Variants in PLEKHA5 observed in about 807,000 individuals in gnomAD.
PLEKHA5 encodes pleckstrin homology domain-containing family A member 5.
A neutral mutation model predicts 181.9 loss-of-function variants in PLEKHA5; 55 were observed. The observed-to-expected ratio is 0.30, with a 90% CI of 0.24 to 0.38. The LOEUF (loss-of-function observed/expected upper bound fraction) is 0.38. Among genes scored for constraint, PLEKHA5 ranks in the 10% least tolerant of loss-of-function variants. The pLI is 1.00. For synonymous variants in PLEKHA5, 535 were observed against 529.4 expected (o/e 1.01, Z -0.15); for missense variants, 1,432 against 1,549.5 (o/e 0.92, Z 1.27).
intron 3 of PLEKHA5, among the ~76,000 whole-genome samples, chr12:19,167,989 T>C (rs2044930036): frequency 6.6e-6 from 1 of 152,182 alleles, no homozygotes; most frequent in African/African-American, 2.4e-5. Context: ...ATTACTGTTC[T>C]AGTCTGAAAG....
intron 20 of PLEKHA5, among the ~76,000 whole-genome samples, chr12:19,328,675 G>A (rs1197500024): frequency 6.6e-6 from 1 of 151,560 alleles, no homozygotes; most frequent in African/African-American, 2.4e-5. Flanking sequence ...AGTGATTTTT[G>A]TACATTGATT....
chr12:19,129,974 T>C, intron 1 of PLEKHA5, 77 bp from the exon 2 acceptor site: 1 of 1,452,496 alleles, frequency 6.9e-7, no homozygotes, highest in Non-Finnish European at 9.4e-7. Context: ...AGCCCGGGTC[T>C]GTGCTCCTGC....
chr12:19,304,465 G>A (rs1280823072), intron 15 of PLEKHA5, among the ~76,000 whole-genome samples: 1 of 152,150 alleles, frequency 6.6e-6, no homozygotes, highest in Non-Finnish European at 1.5e-5. Flanking sequence ...TGTTTACTTA[G>A]TTTGAAGTTT....
At position 19,335,390 on chromosome 12, in the gene PLEKHA5, T is replaced by A. The variant is rs897169781; in HGVS notation, c.2449-1125T>A. 3.3e-5 allele frequency among the ~76,000 whole-genome samples: 5 copies of A among 151,512 alleles called. No individual in the cohort carries two copies. In the East Asian group the frequency reaches 9.8e-4, roughly 30 times the overall value. On this transcript the variant is annotated intron_variant, in intron 20 of 31. Coordinates refer to ENST00000429027, the MANE Select transcript of PLEKHA5 (RefSeq NM_001256470.2). Reference sequence around the variant, plus strand: ...TAGTTACAGAATATACAAAATAAGATAGCTCTTTATTTTTTTTCTTTTACT... The same window carrying A: ...TAGTTACAGAATATACAAAATAAGAAAGCTCTTTATTTTTTTTCTTTTACT...
intron 20 of PLEKHA5, among the ~76,000 whole-genome samples, chr12:19,334,266 G>A (rs2093140159): frequency 6.6e-6 from 1 of 152,172 alleles, no homozygotes; most frequent in Admixed American, 6.5e-5. Context: ...GGTAGGCCTA[G>A]CAGGATTACA....
At chr12:19,230,655 C>T (rs1054631147) in intron 3 of PLEKHA5, among the ~76,000 whole-genome samples, 2 of 152,172 alleles carry the variant, frequency 1.3e-5, no homozygotes, top group African/African-American at 2.4e-5. Context: ...ACTCTGAGTG[C>T]GGCCCGCGGA....
chr12:19,210,912 AT>A (rs141808897), intron 3 of PLEKHA5, among the ~76,000 whole-genome samples: 100 of 148,234 alleles, frequency 6.7e-4, no homozygotes, highest in South Asian at 1.7e-3. Flanking sequence ...TAAGGAAACA[AT>A]TTTTTTTTTT....
intron 7 of PLEKHA5, among the ~76,000 whole-genome samples, chr12:19,264,876 G>A (rs1161192920): frequency 4.6e-5 from 7 of 152,082 alleles, no homozygotes; most frequent in Non-Finnish European, 8.8e-5. Context: ...TGATGACACC[G>A]CTTTATTAAC....
chr12:19,310,671 C>G (rs1203901479), intron 15 of PLEKHA5, among the ~76,000 whole-genome samples: 1 of 151,692 alleles, frequency 6.6e-6, no homozygotes, highest in East Asian at 1.9e-4. Flanking sequence ...AATCCCAGCA[C>G]TTTGGGAAGC....
rs1219019283 is a variant in PLEKHA5, at chr12:19,280,786, C to G, written c.1314-2494C>G. The stretch of plus-strand genomic sequence containing the variant: ...CTGTCACCAGCACGATTTCAGCTCA[C>G]TGCAACCTCCACCTCCCAGGTTTAA... On this transcript the variant is annotated intron_variant, in intron 11 of 31. Transcript: ENST00000429027. Among the ~76,000 whole-genome samples the G allele has an allele frequency of 2.0e-5, 3 of 151,244 alleles. No homozygotes were observed. The East Asian group carries it at 5.8e-4, about 29-fold the overall frequency.
intron 3 of PLEKHA5, among the ~76,000 whole-genome samples, chr12:19,187,573 G>T (rs1459876444): frequency 6.6e-6 from 1 of 152,188 alleles, no homozygotes; most frequent in Non-Finnish European, 1.5e-5. Context: ...GCAAAGAGAA[G>T]CCACAAGGGC....
At chr12:19,361,283 C>T (rs374748058) in intron 28 of PLEKHA5, among the ~76,000 whole-genome samples, 11 of 152,040 alleles carry the variant, frequency 7.2e-5, no homozygotes, top group African/African-American at 2.4e-4. Flanking sequence ...GCCAGGTTCA[C>T]GCCATTCTCC....
chr12:19,165,061 T>C (rs1370188424), intron 3 of PLEKHA5, among the ~76,000 whole-genome samples: 1 of 151,894 alleles, frequency 6.6e-6, no homozygotes, highest in Non-Finnish European at 1.5e-5. Flanking sequence ...ACAGCAAAAA[T>C]ACCCCGTTCT....
chr12:19,241,939 T>G (rs1444299304), intron 3 of PLEKHA5, among the ~76,000 whole-genome samples: 1 of 152,214 alleles, frequency 6.6e-6, no homozygotes, highest in Admixed American at 6.5e-5. Flanking sequence ...GTGTACATTT[T>G]AAGAATCATA....
chr12:19,278,263 T>C (rs558769507), intron 11 of PLEKHA5, among the ~76,000 whole-genome samples: 1 of 152,318 alleles, frequency 6.6e-6, no homozygotes, highest in African/African-American at 2.4e-5. Context: ...AATGATCATA[T>C]GATAGTTGAC....
rs78586573 is a variant in PLEKHA5 at position 19,351,605 on chromosome 12, G to A, written c.3020-2279G>A. ...GTTGAGACTGCAGAGAGCTGTGATC[G>A]TGCCACTTACACTTCAGCCTGAACA... On this transcript the variant is annotated intron_variant, in intron 25 of 31. Coordinates refer to ENST00000429027, the MANE Select transcript of PLEKHA5 (RefSeq NM_001256470.2). Among the ~76,000 whole-genome samples the A allele has an allele frequency of 9.1e-3, 1,383 of 152,118 alleles. 23 individuals are homozygous for A. The highest frequency in any genetic ancestry group is 0.031 in the African/African-American group (1,299 of 41,502).
intron 15 of PLEKHA5, among the ~76,000 whole-genome samples, chr12:19,312,819 T>C (rs1157735552): frequency 6.6e-6 from 1 of 152,232 alleles, no homozygotes; most frequent in African/African-American, 2.4e-5. Flanking sequence ...TCAACTTGGG[T>C]AAATGTTTAC....
chr12:19,204,021 C>G (rs1228867146), intron 3 of PLEKHA5, among the ~76,000 whole-genome samples: 8 of 151,962 alleles, frequency 5.3e-5, no homozygotes, highest in African/African-American at 1.9e-4. Flanking sequence ...ATTTTTGCGA[C>G]CTTTTGATAA....
At chr12:19,297,450 G>A (rs1270739274) in intron 15 of PLEKHA5, among the ~76,000 whole-genome samples, 1 of 150,450 alleles carries the variant, frequency 6.6e-6, no homozygotes, top group East Asian at 2.0e-4. Context: ...GTGAAACCCC[G>A]TCTCTACTAA....
Sources: gnomAD v4.1 joint callset for allele counts (sites outside exome capture counted in the v4.1 genomes callset) on GRCh38, gnomAD v4.1.1 for gene constraint, MANE v1.5 for transcripts, NCBI Gene and HGNC (gene_info 2026-07-23, HGNC 2026-07-21) for gene names.